Variants in RLIG1 observed in about 807,000 individuals in gnomAD.
The protein encoded by RLIG1 is RNA 5'-phosphate and 3'-OH ligase 1.
the RLIG1 span, chr12:88,046,942 T>C: frequency 1.2e-6 from 2 of 1,611,588 alleles, no homozygotes; most frequent in Non-Finnish European, 1.7e-6. Flanking sequence ...ATTGAAGGAA[T>C]AGTGTGGCAT....
chr12:88,045,838 C>G, the RLIG1 span: 1 of 1,379,942 alleles, frequency 7.2e-7, no homozygotes, highest in Non-Finnish European at 1.0e-6. Context: ...AGAGAACTTT[C>G]TAGGTCAACT....
chr12:88,046,669 T>C, the RLIG1 span: 1 of 749,630 alleles, frequency 1.3e-6, no homozygotes, highest in South Asian at 1.9e-5. Flanking sequence ...CACTGGGTTA[T>C]ATTCTTTTTA....
the RLIG1 span, among the ~76,000 whole-genome samples, chr12:88,041,310 T>C: frequency 6.6e-6 from 1 of 152,226 alleles, no homozygotes; most frequent in Non-Finnish European, 1.5e-5. Context: ...AATATTCCAT[T>C]GCATGTATCT....
chr12:88,038,808 A>G, the RLIG1 span, among the ~76,000 whole-genome samples: 16 of 152,326 alleles, frequency 1.1e-4, no homozygotes, highest in African/African-American at 3.8e-4. Flanking sequence ...TTATGTTTAG[A>G]CAGAGATGCA....
At chr12:88,049,104 C>T in the RLIG1 span, 42 of 775,032 alleles carry the variant, frequency 5.4e-5, no homozygotes, top group East Asian at 4.3e-4. Flanking sequence ...TACTACAGTT[C>T]GGAGAACTGC....
the RLIG1 span, chr12:88,045,316 A>C: frequency 9.2e-6 from 3 of 327,854 alleles, no homozygotes; most frequent in Non-Finnish European, 1.7e-5. Flanking sequence ...TTCAGTTCTT[A>C]ATGAATAAGG....
the RLIG1 span, chr12:88,036,187 C>A: frequency 1.3e-6 from 1 of 759,412 alleles, no homozygotes; most frequent in Non-Finnish European, 1.9e-6. Context: ...TTGACAGTAG[C>A]CTAATTAGGT....
At chr12:88,043,821 T>C in the RLIG1 span, 1 of 750,254 alleles carries the variant, frequency 1.3e-6, no homozygotes, top group East Asian at 2.7e-5. Flanking sequence ...TTCATTAATA[T>C]GTATAGCACA....
the RLIG1 span, chr12:88,042,758 T>C: frequency 9.6e-7 from 1 of 1,038,730 alleles, no homozygotes; most frequent in Non-Finnish European, 1.3e-6. Flanking sequence ...ACAAACTGTA[T>C]TCTGAAATGT....
chr12:88,043,060 A>T, the RLIG1 span: 1 of 425,900 alleles, frequency 2.3e-6, no homozygotes, highest in East Asian at 3.9e-5. Flanking sequence ...TTATATATAA[A>T]AGGATATTAT....
chr12:88,044,446 A>G, the RLIG1 span: 2 of 152,214 alleles, frequency 1.3e-5, no homozygotes, highest in Non-Finnish European at 2.9e-5. Context: ...TAGGTTCTCA[A>G]CCGGCATGTC....
At chr12:88,037,985 A>G in the RLIG1 span, among the ~76,000 whole-genome samples, 1 of 152,222 alleles carries the variant, frequency 6.6e-6, no homozygotes, top group Non-Finnish European at 1.5e-5. Context: ...CTGACTACTG[A>G]TAAAGCTGAA....
the RLIG1 span, among the ~76,000 whole-genome samples, chr12:88,043,176 A>G: frequency 3.6e-4 from 54 of 152,108 alleles, no homozygotes; most frequent in Admixed American, 3.1e-3. Context: ...CATTTTGTGT[A>G]AGAGACAAAT....
the RLIG1 span, chr12:88,049,231 C>CTG: frequency 3.0e-5 from 48 of 1,608,484 alleles, no homozygotes; most frequent in African/African-American, 5.2e-4. Flanking sequence ...TCTTCAAACT[C>CTG]TTCAGAAGCA....
the RLIG1 span, among the ~76,000 whole-genome samples, chr12:88,046,603 C>T: frequency 5.3e-5 from 8 of 152,134 alleles, no homozygotes; most frequent in East Asian, 3.9e-4. Context: ...TTTGCTGAAC[C>T]GTGGTGGAGA....
the RLIG1 span, chr12:88,046,663 G>A: frequency 1.4e-6 from 1 of 709,414 alleles, no homozygotes; most frequent in Non-Finnish European, 2.3e-6. Flanking sequence ...CCAGTGCACT[G>A]GGTTATATTC....
chr12:88,048,579 T>C, the RLIG1 span: 5 of 501,340 alleles, frequency 1.0e-5, no homozygotes, highest in Non-Finnish European at 1.6e-5. Flanking sequence ...ATTCAAAATT[T>C]TATTAAAAAC....
chr12:88,045,723 A>G, the RLIG1 span: 1,074 of 1,613,264 alleles, frequency 6.7e-4, 9 homozygotes, highest in Admixed American at 0.017. Context: ...CCACTTTCAG[A>G]TCTCTTAGAA....
At chr12:88,040,197 C>T in the RLIG1 span, 1 of 1,610,336 alleles carries the variant, frequency 6.2e-7, no homozygotes, top group Admixed American at 1.7e-5. Flanking sequence ...GCATTAGATG[C>T]AGATATATAC....
Sources: allele counts gnomAD v4.1 joint callset (sites outside exome capture counted in the v4.1 genomes callset), GRCh38; gene constraint gnomAD v4.1.1; transcripts MANE v1.5; gene names NCBI Gene and HGNC (gene_info 2026-07-23, HGNC 2026-07-21).